Variants in LARS2 observed in about 807,000 individuals in gnomAD.
LARS2 encodes leucyl-tRNA synthetase 2, mitochondrial.
Under a neutral mutation model 116.6 loss-of-function variants are expected in LARS2, and 81 were observed. That is an observed-to-expected ratio of 0.69 (90% CI 0.58 to 0.84). The LOEUF is 0.84. Among genes scored for constraint, LARS2 ranks in the 40% least tolerant of loss-of-function variants. The probability of loss-of-function intolerance (pLI) is 0.00; values close to 1 mark genes in which losing one functional copy is unlikely to be tolerated. For synonymous variants in LARS2, 396 were observed against 407.2 expected (o/e 0.97, Z 0.33); for missense variants, 968 against 1,114.5 (o/e 0.87, Z 1.87).
chr3:45,445,288 G>C (rs1328318019), intron 6 of LARS2, among the ~76,000 whole-genome samples: 1 of 152,114 alleles, frequency 6.6e-6, no homozygotes, highest in Non-Finnish European at 1.5e-5. Flanking sequence ...CTCCTGCCCT[G>C]GGTTTTGTTA....
At chr3:45,525,499 G>A (rs142680626) in intron 20 of LARS2, among the ~76,000 whole-genome samples, 38 of 152,312 alleles carry the variant, frequency 2.5e-4, no homozygotes, top group South Asian at 2.5e-3. Context: ...GGATTTGGAT[G>A]GGTCTGACTC....
At chr3:45,433,937 G>A (rs1698761769) in intron 6 of LARS2, among the ~76,000 whole-genome samples, 2 of 152,074 alleles carry the variant, frequency 1.3e-5, no homozygotes, top group African/African-American at 2.4e-5. Flanking sequence ...AGGCCTCTGT[G>A]GTTTCTGATA....
In LARS2 at chr3:45,428,811, C is replaced by T. The variant is rs548350276; in HGVS notation, c.516+9082C>T. On this transcript the variant is annotated intron_variant, in intron 6 of 21. Coordinates refer to ENST00000645846, the MANE Select transcript of LARS2 (RefSeq NM_015340.4). The stretch of plus-strand genomic sequence containing the variant: ...ACAATAAACATTCATATACCTTTCA[C>T]CTAGATTCAATAATTATTGCTGTAT... Among the ~76,000 whole-genome samples the T allele has an allele frequency of 2.6e-5, 4 of 152,164 alleles. No homozygotes were observed. In the East Asian group the frequency reaches 7.7e-4, roughly 29 times the overall value.
At chr3:45,471,808 C>T (rs768725470) in intron 8 of LARS2, among the ~76,000 whole-genome samples, 5 of 152,036 alleles carry the variant, frequency 3.3e-5, no homozygotes, top group African/African-American at 4.8e-5. Context: ...ATTTAAGACC[C>T]CCTACATTGC....
chr3:45,430,196 A>G (rs1415956007), intron 6 of LARS2, among the ~76,000 whole-genome samples: 1 of 148,592 alleles, frequency 6.7e-6, no homozygotes, highest in Non-Finnish European at 1.5e-5. Flanking sequence ...GATGGTTTCA[A>G]TCTCTGACTT....
Position 45,547,501 on chromosome 3 carries a change from G to T in LARS2, c.2683G>T (p.Ala895Ser). ...IKKSFLSPRT[A>S]LINFLVQD ...GAAGTCCTTCCTTTCCCCGAGAACT[G>T]CCCTCATCAACTTCCTGGTGCAAGA... The change falls in exon 22 of 22, where the codon GCC (alanine) becomes TCC (serine). Residue 895 changes from alanine to serine, a missense_variant. Physicochemically the swap from Ala to Ser is moderately conservative, Grantham distance 99. Coordinates refer to ENST00000645846, the MANE Select transcript of LARS2 (RefSeq NM_015340.4). 1 of 1,608,718 alleles carries T rather than the reference G, an allele frequency of 6.2e-7. No individual in the cohort carries two copies. The highest frequency in any genetic ancestry group is 8.5e-7 in the Non-Finnish European group (1 of 1,178,308).
chr3:45,523,817 G>A (rs1700491778), intron 19 of LARS2, among the ~76,000 whole-genome samples, 180 bp from the exon 20 acceptor site: 1 of 151,768 alleles, frequency 6.6e-6, no homozygotes, highest in African/African-American at 2.4e-5. Flanking sequence ...CTGGCTTGCT[G>A]TAGTTTATCT....
At chr3:45,431,678 A>G (rs996650874) in intron 6 of LARS2, among the ~76,000 whole-genome samples, 1 of 151,620 alleles carries the variant, frequency 6.6e-6, no homozygotes, top group African/African-American at 2.4e-5. Flanking sequence ...CACAGAAGGA[A>G]ATGAGAAGGG....
chr3:45,522,011 C>T (rs1575311441), intron 19 of LARS2, among the ~76,000 whole-genome samples: 1 of 152,054 alleles, frequency 6.6e-6, no homozygotes, highest in East Asian at 1.9e-4. Context: ...GAGGCTGAGG[C>T]GGGAGGATCC....
chr3:45,458,995 G>T (rs1699264689), intron 8 of LARS2, 109 bp downstream of exon 8: 1 of 1,122,052 alleles, frequency 8.9e-7, no homozygotes, highest in Admixed American at 1.9e-5. Flanking sequence ...CTCTAGGAAG[G>T]GCTGGGAGCC....
chr3:45,520,276 G>A lies in LARS2; in HGVS notation c.2272G>A (p.Gly758Arg), dbSNP rs2125756261. ...GAATTCTGCAATTTCTCAGCTGATG[G>A]GACTCAGCAATGCCCTCTCGGTAAG... is the stretch of plus-strand genomic sequence containing the variant. ...SLNSAISQLM[G>R]LSNALSQASQ... Residue 758 changes from glycine (G) to arginine (R), a missense_variant, in exon 19 of 22, where the codon GGA (glycine) becomes AGA (arginine). Coordinates refer to ENST00000645846, the MANE Select transcript of LARS2 (RefSeq NM_015340.4). 1 of 1,612,802 alleles carries A rather than the reference G, an allele frequency of 6.2e-7. No individual in the cohort carries two copies. The highest frequency in any genetic ancestry group is 1.7e-4 in the Middle Eastern group (1 of 6,060).
intron 19 of LARS2, among the ~76,000 whole-genome samples, chr3:45,521,218 T>A (rs750237101): frequency 6.6e-5 from 10 of 152,128 alleles, no homozygotes; most frequent in Admixed American, 4.6e-4. Flanking sequence ...GGCAGGAGAA[T>A]GGTGTGAACC....
intron 15 of LARS2, 138 bp from the exon 16 acceptor site, chr3:45,512,997 A>G (rs1700311552): frequency 4.4e-6 from 3 of 675,256 alleles, no homozygotes; most frequent in Admixed American, 2.2e-5. Flanking sequence ...AGCTGGGTTT[A>G]TAAGTGGCCT....
At chr3:45,533,605 C>T (rs549361204) in intron 20 of LARS2, among the ~76,000 whole-genome samples, 2 of 152,202 alleles carry the variant, frequency 1.3e-5, no homozygotes, top group Non-Finnish European at 2.9e-5. Flanking sequence ...TGTCTACCTC[C>T]TTCATTTTGT....
At chr3:45,486,346 G>A (rs1699814053) in intron 11 of LARS2, among the ~76,000 whole-genome samples, 1 of 152,174 alleles carries the variant, frequency 6.6e-6, no homozygotes. Context: ...CTGTAAATTG[G>A]ATGTCCTTGG....
intron 15 of LARS2, among the ~76,000 whole-genome samples, chr3:45,509,901 A>G (rs80163550): frequency 0.049 from 7,507 of 151,950 alleles, 336 homozygotes; most frequent in Non-Finnish European, 0.077. Context: ...CCCTCCCTGC[A>G]AAAAGATGGT....
Position 45,417,477 on chromosome 3 carries a change from C to G in LARS2, c.364-5C>G. ...CATGGTTGATGTTCCTCTTCTGGGT[C>G]CTAGGTCATCAACCCCATGGGATGG... On this transcript the variant is annotated splice_region_variant and splice_polypyrimidine_tract_variant and intron_variant, in intron 4 of 21. Coordinates refer to ENST00000645846, the MANE Select transcript of LARS2 (RefSeq NM_015340.4). 1 of 1,610,796 alleles carries G rather than the reference C, an allele frequency of 6.2e-7. No homozygotes were observed. The highest frequency in any genetic ancestry group is 8.5e-7 in the Non-Finnish European group (1 of 1,177,054).
chr3:45,425,397 G>C (rs1454030255), intron 6 of LARS2, among the ~76,000 whole-genome samples: 2 of 152,164 alleles, frequency 1.3e-5, no homozygotes, highest in Non-Finnish European at 2.9e-5. Context: ...CTCAGAACGT[G>C]ACCTCACACT....
At chr3:45,407,189 A>G (rs1012711245) in intron 4 of LARS2, among the ~76,000 whole-genome samples, 1 of 152,226 alleles carries the variant, frequency 6.6e-6, no homozygotes, top group African/African-American at 2.4e-5. Flanking sequence ...TAATATAATT[A>G]TCCACAAATA....
Sources: allele counts gnomAD v4.1 joint callset (sites outside exome capture counted in the v4.1 genomes callset), GRCh38; gene constraint gnomAD v4.1.1; transcripts MANE v1.5; gene names NCBI Gene and HGNC (gene_info 2026-07-23, HGNC 2026-07-21).